Variants in KEL observed in about 807,000 individuals in gnomAD.
KEL encodes Kell metallo-endopeptidase (Kell blood group).
KEL carries 96 observed loss-of-function variants against 99.5 expected under a neutral mutation model. The observed-to-expected ratio is 0.97, with a 90% CI of 0.82 to 1.14. The LOEUF (loss-of-function observed/expected upper bound fraction) is 1.14, where lower values mean the gene tolerates loss of function less well. Ranked by LOEUF, KEL falls within the 50% of genes most tolerant of loss-of-function variation. KEL has a pLI of 0.00. For synonymous variants in KEL, 355 were observed against 354.8 expected, an observed-to-expected ratio of 1.00 and a Z score of -0.01; for missense variants, 926 against 924.2, an observed-to-expected ratio of 1.00 and a Z score of -0.03.
intron 11 of KEL, 53 bp downstream of exon 11, chr7:142,946,154 G>T: frequency 1.6e-6 from 2 of 1,286,846 alleles, no homozygotes; most frequent in Non-Finnish European, 2.3e-6. Context: ...AGGGAAGGCT[G>T]CTTTGGGTAG....
chr7:142,958,554 A>G, intron 4 of KEL, 126 bp from the exon 5 acceptor site: 1 of 852,342 alleles, frequency 1.2e-6, no homozygotes, highest in Non-Finnish European at 1.9e-6. Flanking sequence ...GTTTTATTTA[A>G]CCCATGTAAC....
chr7:142,945,961 G>A lies in KEL; in HGVS notation c.1314+246C>T. On this transcript the variant is annotated intron_variant, in intron 11 of 18. Transcript: ENST00000355265. ...TCATTTGATGGTTGAAGAAACACAA[G>A]ACCAGGAAAGTTGGGTGACTTGTCC... The A allele has an allele frequency of 5.2e-6, 3 of 572,268 alleles. No homozygotes were observed. The South Asian group carries it at 6.2e-5, about 12-fold the overall frequency. The allele number at this position is 572,268 out of a possible 1,614,324, so 35.4% of individuals were successfully genotyped here. A position where few individuals can be genotyped will look rare whatever the true frequency, so the allele number is the denominator to read the frequency against.
At chr7:142,946,519 A>G in intron 10 of KEL, 2 of 610,904 alleles carry the variant, frequency 3.3e-6, no homozygotes, top group Non-Finnish European at 5.9e-6. Context: ...TGGTCTCATG[A>G]GCCTGGCTGA....
At chr7:142,942,145 A>C in intron 18 of KEL, 2 of 489,412 alleles carry the variant, frequency 4.1e-6, no homozygotes, top group Non-Finnish European at 7.4e-6. Context: ...TTTTGGGGGT[A>C]TGAGAGGAAA....
intron 17 of KEL, 103 bp downstream of exon 17, chr7:142,942,772 G>A: frequency 7.1e-7 from 1 of 1,414,202 alleles, no homozygotes; most frequent in Non-Finnish European, 1.0e-6. Flanking sequence ...AGGGCAGAAA[G>A]CCATGCAACT....
At chr7:142,954,099 G>T (rs959903653) in intron 8 of KEL, 85 bp downstream of exon 8, 5 of 1,445,568 alleles carry the variant, frequency 3.5e-6, no homozygotes, top group Non-Finnish European at 4.8e-6. Flanking sequence ...AGGTATTAAG[G>T]GCACTAGGAG....
In KEL at chr7:142,943,339, C is replaced by T. The variant is rs766803262; in HGVS notation, c.1708G>A (p.Val570Met). ...ATGCTGCCAGCAGCGCCAAAGTTCA[C>T]GGCTCTAGGGAGACAAGGGCTTATT... ...PFFHPGYPRA[V>M]NFGAAGSIMA... Residue 570 changes from valine (V) to methionine (M), a missense_variant, in exon 16 of 19, where the codon GTG becomes ATG. Val to Met is a conservative substitution (Grantham distance 21). Coordinates refer to ENST00000355265, the MANE Select transcript of KEL (RefSeq NM_000420.3). 54 of 1,614,046 alleles carry T rather than the reference C, an allele frequency of 3.3e-5. No homozygotes were observed. The highest frequency in any genetic ancestry group is 5.3e-5 in the African/African-American group (4 of 75,068).
In KEL at chr7:142,960,933, A is replaced by G. The variant is rs1796939509; in HGVS notation, c.395T>C (p.Ile132Thr). 6.2e-7 allele frequency: 1 copy of G among 1,614,190 alleles called. No homozygotes were observed. Among genetic ancestry groups the G allele is most frequent in the Non-Finnish European group, 8.5e-7 (1 of 1,180,032 alleles). The change falls in exon 4 of 19, where the codon ATA becomes ACA. Residue 132 changes from isoleucine to threonine, a missense_variant. By Grantham distance (89) the Ile-to-Thr change is moderately conservative (BLOSUM62 -1). Transcript: ENST00000355265. ...TTCCACCCTGCTTTCCTCACCCAGT[A>G]TTCTCCGAAGTCGGTTTTTGTTCTT... ...ATKNKNRLRRILEVQNSWHPG... is the reference protein window; with the variant it reads ...ATKNKNRLRRTLEVQNSWHPG...
chr7:142,952,560 T>C lies in KEL; in HGVS notation c.1152A>G (p.Ala384=), dbSNP rs777355716. The C allele has an allele frequency of 2.5e-6, 4 of 1,614,140 alleles. No homozygotes were observed. Among genetic ancestry groups the C allele is most frequent in the Non-Finnish European group, 3.4e-6 (4 of 1,180,028 alleles). The change falls in exon 10 of 19, where the codon GCA becomes GCG. Residue 384 remains alanine (A), a synonymous_variant. Coordinates refer to ENST00000355265, the MANE Select transcript of KEL (RefSeq NM_000420.3). ...GCAGTTTCTGGCTGAGCTTTCTGCGTGCCTCCTGGAATTGACTGTCCAGGG... is the reference window on the plus strand; with the variant it reads ...GCAGTTTCTGGCTGAGCTTTCTGCGCGCCTCCTGGAATTGACTGTCCAGGG... ...SPALDSQFQE[A]RRKLSQKLRE...
At chr7:142,945,978 G>A in intron 11 of KEL, 1 of 585,396 alleles carries the variant, frequency 1.7e-6, no homozygotes, top group Non-Finnish European at 3.1e-6. Context: ...AAAGTTGGGT[G>A]ACTTGTCCAA....
At chr7:142,943,710 C>G (rs1271912758) in intron 14 of KEL, 73 bp downstream of exon 14, 2 of 1,514,300 alleles carry the variant, frequency 1.3e-6, no homozygotes. Flanking sequence ...GCCCTGAGCC[C>G]TGGCTTCCTT....
Position 142,946,236 on chromosome 7 carries a change from C to T in KEL, c.1285G>A (p.Glu429Lys), listed in dbSNP as rs1796523183. ...CTTCGGGTGCTCGGGCCAAAGGCCT[C>T]ACGAACAAACAAAGCCGCCAGCGTG... ...EPTLAALFVREAFGPSTRSAA... is the reference protein window; with the variant it reads ...EPTLAALFVRKAFGPSTRSAA... Residue 429 changes from glutamate (E) to lysine (K), a missense_variant, in exon 11 of 19, where the codon GAG becomes AAG. Coordinates refer to ENST00000355265, the MANE Select transcript of KEL (RefSeq NM_000420.3). 6 of 1,613,924 alleles carry T rather than the reference C, an allele frequency of 3.7e-6. No individual in the cohort carries two copies. Among genetic ancestry groups the T allele is most frequent in the African/African-American group, 1.3e-5 (1 of 74,920 alleles).
At chr7:142,953,541 A>G (rs2116668481) in intron 9 of KEL, 1 of 369,204 alleles carries the variant, frequency 2.7e-6, no homozygotes, top group East Asian at 1.6e-4. Flanking sequence ...ACTCTCAGGA[A>G]ACCCCGTGTC....
At chr7:142,960,270 A>G (rs529629565) in intron 4 of KEL, among the ~76,000 whole-genome samples, 2 of 152,028 alleles carry the variant, frequency 1.3e-5, no homozygotes, top group South Asian at 4.1e-4. Context: ...TTCCACCATC[A>G]TCCATCATCT....
chr7:142,960,033 G>A (rs1796916149), intron 4 of KEL, among the ~76,000 whole-genome samples: 1 of 152,052 alleles, frequency 6.6e-6, no homozygotes, highest in African/African-American at 2.4e-5. Flanking sequence ...CCAACTTCCT[G>A]GGACGCACTT....
intron 17 of KEL, among the ~76,000 whole-genome samples, 155 bp from the exon 18 acceptor site, chr7:142,942,684 C>T (rs570004323): frequency 1.3e-5 from 2 of 152,314 alleles, no homozygotes; most frequent in East Asian, 3.9e-4. Context: ...CCCAGAAGAC[C>T]TATAGATGTC....
At chr7:142,946,550 C>T in intron 10 of KEL, 1 of 585,252 alleles carries the variant, frequency 1.7e-6, no homozygotes, top group Non-Finnish European at 3.1e-6. Context: ...CATGTTATTG[C>T]CTATTGAATT....
At position 142,949,479 on chromosome 7, in the gene KEL, A is replaced by G. The variant is rs139679465; in HGVS notation, c.1203+3030T>C. ...CTCATTTCCTGTTTTGCTTTTCTTC[A>G]TAACACCTCCTAACATATTTTATTA... On this transcript the variant is annotated intron_variant, in intron 10 of 18. Transcript: ENST00000355265. 1.5e-3 allele frequency among the ~76,000 whole-genome samples: 236 copies of G among 152,348 alleles called. 3 individuals are homozygous for G. The highest frequency in any genetic ancestry group is 5.4e-3 in the African/African-American group (223 of 41,580).
intron 6 of KEL, among the ~76,000 whole-genome samples, chr7:142,954,998 G>C (rs1300987440): frequency 6.6e-6 from 1 of 152,146 alleles, no homozygotes; most frequent in Non-Finnish European, 1.5e-5. Flanking sequence ...CAAGTGATCA[G>C]ACCATGCCCA....
Sources: allele counts gnomAD v4.1 joint callset (sites outside exome capture counted in the v4.1 genomes callset), GRCh38; gene constraint gnomAD v4.1.1; transcripts MANE v1.5; gene names NCBI Gene and HGNC (gene_info 2026-07-23, HGNC 2026-07-21).